NUP98: variants seen among roughly 807,000 people sequenced by gnomAD.
The protein encoded by NUP98 is nuclear pore complex protein Nup98-Nup96.
Under a neutral mutation model 191.9 loss-of-function variants are expected in NUP98, and 26 were observed. That is an observed-to-expected ratio of 0.14 (90% CI 0.10 to 0.19). The LOEUF is 0.19. Ranked by LOEUF, NUP98 falls within the 10% of genes least tolerant of loss-of-function variation. The probability of loss-of-function intolerance (pLI) is 1.00; values close to 1 mark genes in which losing one functional copy is unlikely to be tolerated. For synonymous variants in NUP98, 808 were observed against 778.4 expected, an observed-to-expected ratio of 1.04 and a Z score of -0.63; for missense variants, 1,941 against 2,178.8, an observed-to-expected ratio of 0.89 and a Z score of 2.17.
intron 16 of NUP98, among the ~76,000 whole-genome samples, chr11:3,721,884 T>G (rs2079416167): frequency 6.6e-6 from 1 of 152,142 alleles, no homozygotes; most frequent in African/African-American, 2.4e-5. Context: ...TAACTTGCTC[T>G]CTGAGAGAAA....
chr11:3,788,379 G>T (rs2133974537), intron 1 of NUP98, among the ~76,000 whole-genome samples: 1 of 152,228 alleles, frequency 6.6e-6, no homozygotes, highest in South Asian at 2.1e-4. Flanking sequence ...AAGGCTGGTG[G>T]ATCACCTGAG....
chr11:3,695,405 ATG>A (rs746341517), intron 26 of NUP98, 42 bp downstream of exon 26: 40 of 1,432,758 alleles, frequency 2.8e-5, no homozygotes, highest in Non-Finnish European at 3.4e-5. Context: ...GCTTCAATTT[ATG>A]AAAAAACCAA....
At chr11:3,697,774 C>G (rs2078555266) in intron 25 of NUP98, among the ~76,000 whole-genome samples, 1 of 143,524 alleles carries the variant, frequency 7.0e-6, no homozygotes, top group African/African-American at 2.6e-5. Flanking sequence ...TGAGATCGTT[C>G]CACTGCACTC....
chr11:3,785,395 C>A (rs2133963474), intron 1 of NUP98, among the ~76,000 whole-genome samples: 1 of 152,284 alleles, frequency 6.6e-6, no homozygotes, highest in Admixed American at 6.5e-5. Flanking sequence ...CTGTCTGGTT[C>A]CTGTGGGTTT....
chr11:3,724,198 G>A (rs1401562811), intron 15 of NUP98, among the ~76,000 whole-genome samples: 1 of 151,868 alleles, frequency 6.6e-6, no homozygotes, highest in Non-Finnish European at 1.5e-5. Flanking sequence ...TTGTGAGGCC[G>A]AGGCGGGTGG....
chr11:3,774,067 A>G (rs2081619042), intron 5 of NUP98, among the ~76,000 whole-genome samples: 1 of 152,114 alleles, frequency 6.6e-6, no homozygotes, highest in African/African-American at 2.4e-5. Context: ...CTCTATATCT[A>G]AGTTCTCCTT....
chr11:3,789,501 C>CTTTTTTTTTTTTTTT (rs914589009), intron 1 of NUP98, among the ~76,000 whole-genome samples: 24 of 123,058 alleles, frequency 2.0e-4, no homozygotes, highest in Non-Finnish European at 3.1e-4. Context: ...TTACCTATTT[C>CTTTTTTTTTTTTTTT]TTTTTTTTTT....
In NUP98 at chr11:3,758,858, G is replaced by A. The variant is rs116544163; in HGVS notation, c.1174+1681C>T. On this transcript the variant is annotated intron_variant, in intron 10 of 32. Coordinates refer to ENST00000324932, the MANE Select transcript of NUP98 (RefSeq NM_016320.5). ...CTTACCCATGGTAACCAAGTCCACT[G>A]CCTCAAAACGGTTGTTTCAAACAGA... is the stretch of plus-strand genomic sequence containing the variant. 4.1e-3 allele frequency among the ~76,000 whole-genome samples: 631 copies of A among 152,260 alleles called. 8 individuals are homozygous for A. The highest frequency in any genetic ancestry group is 0.02 in the Middle Eastern group (6 of 294).
At chr11:3,690,692 T>G (rs1266610861) in intron 28 of NUP98, among the ~76,000 whole-genome samples, 1 of 152,140 alleles carries the variant, frequency 6.6e-6, no homozygotes, top group African/African-American at 2.4e-5. Flanking sequence ...TTGGAGCAAC[T>G]AGAGATATTA....
chr11:3,752,274 T>C (rs2080790330), intron 11 of NUP98, among the ~76,000 whole-genome samples: 1 of 151,738 alleles, frequency 6.6e-6, no homozygotes, highest in Admixed American at 6.6e-5. Flanking sequence ...TCCCAGCACT[T>C]TGGAGGCCAA....
At chr11:3,698,333 A>G (rs1480656775) in intron 25 of NUP98, among the ~76,000 whole-genome samples, 2 of 152,318 alleles carry the variant, frequency 1.3e-5, no homozygotes, top group African/African-American at 2.4e-5. Flanking sequence ...GGTGATTTTG[A>G]TTGATAGCTT....
chr11:3,745,286 C>T (rs1215924149), intron 11 of NUP98, among the ~76,000 whole-genome samples: 1 of 152,190 alleles, frequency 6.6e-6, no homozygotes, highest in African/African-American at 2.4e-5. Flanking sequence ...TTCACTAACA[C>T]AACACTTTCA....
At chr11:3,755,075 A>G (rs553518359) in intron 10 of NUP98, among the ~76,000 whole-genome samples, 1 of 152,288 alleles carries the variant, frequency 6.6e-6, no homozygotes, top group East Asian at 1.9e-4. Flanking sequence ...TCAACAAAAC[A>G]ATTAATGAAT....
intron 12 of NUP98, among the ~76,000 whole-genome samples, chr11:3,737,784 C>T (rs1432433958): frequency 6.6e-6 from 1 of 152,044 alleles, no homozygotes; most frequent in African/African-American, 2.4e-5. Context: ...TGCTCAGGAT[C>T]TCAAACCAAG....
At position 3,702,760 on chromosome 11, in the gene NUP98, G is replaced by C; in HGVS notation, c.3215C>G (p.Pro1072Arg). Residue 1072 changes from proline (P) to arginine (R), a missense_variant, in exon 23 of 33, where the codon CCA becomes CGA. Physicochemically the swap from Pro to Arg is moderately radical, Grantham distance 103. Around this residue, in one of 6 missense-constraint regions of NUP98, gnomAD observed 1,030 missense variants for 1,115.8 expected, o/e 0.92. Transcript: ENST00000324932. ...CATTGTGAACACAGAAGTCAGGGGT[G>C]GAGGGACAGACCAAGAGGATGTGGA... ...IPSTSSWSVP[P>R]PLTSVFTMPS... 5.0e-6 allele frequency: 8 copies of C among 1,614,148 alleles called. No homozygotes were observed. The highest frequency in any genetic ancestry group is 5.9e-6 in the Non-Finnish European group (7 of 1,180,032).
At chr11:3,773,417 T>C (rs978841979) in intron 6 of NUP98, among the ~76,000 whole-genome samples, 44 of 151,888 alleles carry the variant, frequency 2.9e-4, no homozygotes, top group African/African-American at 9.9e-4. Context: ...TTAGGGGTGC[T>C]AGACCTTCAC....
In NUP98 at chr11:3,675,893, T is replaced by C; in HGVS notation, c.*266A>G. Reference sequence around the variant, plus strand: ...CTTTGGGGGATTCTGCCAAAGGAGCTTTATTGACCATTTTTTTAAAGGAAA... The same window carrying C: ...CTTTGGGGGATTCTGCCAAAGGAGCCTTATTGACCATTTTTTTAAAGGAAA... On this transcript the variant is annotated 3_prime_UTR_variant, in exon 33 of 33. Transcript: ENST00000324932. The C allele has an allele frequency of 2.0e-6, 1 of 494,196 alleles. No homozygotes were observed. Among genetic ancestry groups the C allele is most frequent in the Admixed American group, 3.6e-5 (1 of 27,856 alleles). 30.6% of individuals were successfully genotyped at this position (494,196 alleles called of 1,614,324 possible). A position where few individuals can be genotyped will look rare whatever the true frequency, so the allele number is the denominator to read the frequency against.
At chr11:3,719,042 C>T (rs1032584966) in intron 18 of NUP98, among the ~76,000 whole-genome samples, 1 of 151,856 alleles carries the variant, frequency 6.6e-6, no homozygotes, top group Non-Finnish European at 1.5e-5. Flanking sequence ...ATCGCTTGAA[C>T]CCGGGAGTCG....
Position 3,785,914 on chromosome 11 carries a change from C to G in NUP98, c.-28-3769G>C, listed in dbSNP as rs1001468033. Among the ~76,000 whole-genome samples the G allele has an allele frequency of 2.6e-4, 39 of 151,546 alleles. 1 individual carries two copies. Among genetic ancestry groups the G allele is most frequent in the Admixed American group, 8.5e-4 (13 of 15,224 alleles). ...AACCCATTAAAGTTTAAAGGCATAT[C>G]ACACTTGAGCCTTTATCCTTTCAAA... On this transcript the variant is annotated intron_variant, in intron 1 of 32. Transcript: ENST00000324932.
Sources: gnomAD v4.1 joint callset for allele counts (sites outside exome capture counted in the v4.1 genomes callset) on GRCh38, gnomAD v4.1.1 for gene constraint, gnomAD v4.1.1 regional missense constraint, MANE v1.5 for transcripts, NCBI Gene and HGNC (gene_info 2026-07-23, HGNC 2026-07-21) for gene names.